ZC3H12C: variants seen among roughly 807,000 people sequenced by gnomAD.
ZC3H12C encodes probable ribonuclease ZC3H12C.
A neutral mutation model predicts 76.3 loss-of-function variants in ZC3H12C; 20 were observed. The observed-to-expected ratio is 0.26, with a 90% CI of 0.18 to 0.38. The LOEUF (loss-of-function observed/expected upper bound fraction) is 0.38. ZC3H12C is among the 10% of genes least tolerant of loss of function. ZC3H12C has a pLI of 1.00. For synonymous variants in ZC3H12C, 352 were observed against 399.6 expected (o/e 0.88, Z 1.42); for missense variants, 874 against 1,086.5 (o/e 0.80, Z 2.75).
chr11:110,107,781 C>T (rs1861358037), intron 1 of ZC3H12C, among the ~76,000 whole-genome samples: 1 of 152,132 alleles, frequency 6.6e-6, no homozygotes, highest in Admixed American at 6.5e-5. Context: ...CCACCTTGGC[C>T]TCTCAATAAG....
chr11:110,150,067 C>T (rs1180162949), intron 2 of ZC3H12C, among the ~76,000 whole-genome samples: 1 of 151,818 alleles, frequency 6.6e-6, no homozygotes, highest in Non-Finnish European at 1.5e-5. Flanking sequence ...TTTATTTTTT[C>T]CACAGGAATA....
intron 2 of ZC3H12C, among the ~76,000 whole-genome samples, chr11:110,138,471 A>C (rs1591476582): frequency 6.8e-6 from 1 of 147,006 alleles, no homozygotes; most frequent in African/African-American, 2.7e-5. Context: ...AATGTGACTA[A>C]TGTATTTTGT....
chr11:110,134,624 T>A (rs1861922776), intron 1 of ZC3H12C, among the ~76,000 whole-genome samples: 1 of 152,176 alleles, frequency 6.6e-6, no homozygotes, highest in East Asian at 1.9e-4. Context: ...CATATCTATA[T>A]TAATAGGAAA....
rs574358992 is a variant in ZC3H12C, at chr11:110,144,745, A to G, written c.773+7331A>G. On this transcript the variant is annotated intron_variant, in intron 2 of 5. Coordinates refer to ENST00000278590, the MANE Select transcript of ZC3H12C (RefSeq NM_033390.2). ...AAATCAAATTTGAGGAAATAAAAAG[A>G]TAACTGAAAAGAGGTTCCTTTGTTC... 6.6e-5 allele frequency among the ~76,000 whole-genome samples: 10 copies of G among 152,336 alleles called. No individual in the cohort carries two copies. The South Asian group carries it at 1.9e-3, about 28-fold the overall frequency.
chr11:110,109,791 CTG>C (rs1423248144), intron 1 of ZC3H12C, among the ~76,000 whole-genome samples: 4 of 152,066 alleles, frequency 2.6e-5, no homozygotes, highest in Non-Finnish European at 1.5e-5. Flanking sequence ...TCTAAATAGT[CTG>C]TAATTTTTAT....
intron 1 of ZC3H12C, among the ~76,000 whole-genome samples, chr11:110,103,590 C>T (rs1457174170): frequency 6.7e-6 from 1 of 149,348 alleles, no homozygotes; most frequent in Non-Finnish European, 1.5e-5. Flanking sequence ...AGTAGCTTGG[C>T]CCAAGTTATT....
chr11:110,118,593 T>A (rs1053422391), intron 1 of ZC3H12C, among the ~76,000 whole-genome samples: 1 of 152,174 alleles, frequency 6.6e-6, no homozygotes, highest in Non-Finnish European at 1.5e-5. Context: ...GGTCAGGAGT[T>A]TGAGACCAGC....
At chr11:110,132,624 C>A (rs533398131) in intron 1 of ZC3H12C, among the ~76,000 whole-genome samples, 2 of 152,156 alleles carry the variant, frequency 1.3e-5, no homozygotes, top group South Asian at 2.1e-4. Context: ...AATATAGTGT[C>A]TTTAGGTCAA....
chr11:110,126,440 T>C (rs1861749691), intron 1 of ZC3H12C, among the ~76,000 whole-genome samples: 1 of 151,802 alleles, frequency 6.6e-6, no homozygotes, highest in Non-Finnish European at 1.5e-5. Flanking sequence ...GGCTGGTCTT[T>C]AACTCCTGGG....
chr11:110,118,904 C>G (rs1861607408), intron 1 of ZC3H12C, among the ~76,000 whole-genome samples: 1 of 152,192 alleles, frequency 6.6e-6, no homozygotes, highest in South Asian at 2.1e-4. Flanking sequence ...AATAAACTGT[C>G]ATTGATTGAA....
chr11:110,093,417 G>T lies in ZC3H12C; in HGVS notation c.6G>T (p.Pro2=). M[P]GGGSQEYGVL... Reference sequence around the variant, plus strand: ...GCTTTCTCGCGGGGCTGGCTATGCCGGGTGGCGGCTCCCAGGTTTGTCCTC... The same window carrying T: ...GCTTTCTCGCGGGGCTGGCTATGCCTGGTGGCGGCTCCCAGGTTTGTCCTC... Residue 2 remains proline, a synonymous_variant, in exon 1 of 6, where the codon CCG becomes CCT. Transcript: ENST00000278590. 8.3e-7 allele frequency: 1 copy of T among 1,202,048 alleles called. No individual in the cohort carries two copies. 74.5% of individuals were successfully genotyped at this position (1,202,048 alleles called of 1,614,324 possible). A position where few individuals can be genotyped will look rare whatever the true frequency, so the allele number is the denominator to read the frequency against.
intron 5 of ZC3H12C, 70 bp downstream of exon 5, chr11:110,163,449 A>T: frequency 7.7e-7 from 1 of 1,291,578 alleles, no homozygotes; most frequent in South Asian, 1.5e-5. Flanking sequence ...TTGTTAACAA[A>T]AATGAACACT....
At chr11:110,149,391 C>T (rs968812151) in intron 2 of ZC3H12C, among the ~76,000 whole-genome samples, 7 of 152,180 alleles carry the variant, frequency 4.6e-5, no homozygotes, top group African/African-American at 7.2e-5. Flanking sequence ...AATCTAATTT[C>T]GAGTTCCTGT....
intron 2 of ZC3H12C, among the ~76,000 whole-genome samples, chr11:110,138,485 G>C (rs1429833072): frequency 1.3e-5 from 2 of 151,700 alleles, no homozygotes; most frequent in African/African-American, 4.8e-5. Context: ...ATTTTGTTTA[G>C]GCTAACATGT....
intron 1 of ZC3H12C, among the ~76,000 whole-genome samples, chr11:110,117,772 T>C (rs1382715324): frequency 2.1e-5 from 3 of 139,840 alleles, no homozygotes; most frequent in Non-Finnish European, 4.5e-5. Context: ...CACACACATA[T>C]ATATACACAC....
chr11:110,121,757 A>G (rs2134163390), intron 1 of ZC3H12C, among the ~76,000 whole-genome samples: 1 of 151,892 alleles, frequency 6.6e-6, no homozygotes, highest in South Asian at 2.1e-4. Flanking sequence ...AGTATTTTCT[A>G]CATTGATTCT....
chr11:110,165,854 T>G lies in ZC3H12C; in HGVS notation c.*117T>G. On this transcript the variant is annotated 3_prime_UTR_variant, in exon 6 of 6. Transcript: ENST00000278590. ...CAGCAAGGAGGTTATATAGTATCCA[T>G]TTATGTGAAATACTGTATCATGGAA... is the stretch of plus-strand genomic sequence containing the variant. 1.0e-6 allele frequency: 1 copy of G among 963,578 alleles called. No individual in the cohort carries two copies. The highest frequency in any genetic ancestry group is 1.5e-6 in the Non-Finnish European group (1 of 664,102). 59.7% of individuals were successfully genotyped at this position (963,578 alleles called of 1,614,324 possible). A position where few individuals can be genotyped will look rare whatever the true frequency, so the allele number is the denominator to read the frequency against.
chr11:110,101,277 GT>G lies in ZC3H12C; in HGVS notation c.21+7847del, dbSNP rs565624582. Among the ~76,000 whole-genome samples the G allele has an allele frequency of 2.0e-4, 31 of 152,292 alleles. No homozygotes were observed. In the South Asian group the frequency reaches 3.7e-3, roughly 18 times the overall value. Reference sequence around the variant, plus strand: ...GAAGTTTAAGGAAAAAAGCAAGAGTGTTAGGTGAAGCAGCAAGTTATCCAGC... The same window carrying G: ...GAAGTTTAAGGAAAAAAGCAAGAGTGTAGGTGAAGCAGCAAGTTATCCAGC... On this transcript the variant is annotated intron_variant, in intron 1 of 5. Transcript: ENST00000278590.
rs1862596630 is a variant in ZC3H12C, at chr11:110,167,009, C to T, written c.*1272C>T. ...GTTCTAGTATTAGTAAGGGATATTT[C>T]TGGTTTCAAAGTCATGGGTTTTGCT... On this transcript the variant is annotated 3_prime_UTR_variant, in exon 6 of 6. Transcript: ENST00000278590. 1 of 152,144 alleles carries T rather than the reference C, an allele frequency of 6.6e-6. No homozygotes were observed. The highest frequency in any genetic ancestry group is 1.5e-5 in the Non-Finnish European group (1 of 68,034). The allele number at this position is 152,144 out of a possible 1,614,324, so 9.4% of individuals were successfully genotyped here. A position where few individuals can be genotyped will look rare whatever the true frequency, so the allele number is the denominator to read the frequency against.
Sources: gnomAD v4.1 joint callset for allele counts (sites outside exome capture counted in the v4.1 genomes callset) on GRCh38, gnomAD v4.1.1 for gene constraint, MANE v1.5 for transcripts, NCBI Gene and HGNC (gene_info 2026-07-23, HGNC 2026-07-21) for gene names.